The following OR3A2 variants were observed in gnomAD, a reference collection of about 807,000 sequenced individuals.
OR3A2 encodes the protein olfactory receptor family 3 subfamily A member 2.
For synonymous variants in OR3A2, 126 were observed against 159.3 expected (o/e 0.79, Z 1.57); for missense variants, 318 against 392.8 (o/e 0.81, Z 1.61).
chr17:3,342,410 A>T (rs1365734715), intron 2 of OR3A2, among the ~76,000 whole-genome samples: 1 of 151,926 alleles, frequency 6.6e-6, no homozygotes, highest in Non-Finnish European at 1.5e-5. Flanking sequence ...GGTTTTATCT[A>T]CCTCTGGTCT....
At chr17:3,285,533 A>G (rs9889974), upstream of OR3A2, among the ~76,000 whole-genome samples, 27,299 of 152,130 alleles carry the variant, frequency 0.18, 3,031 homozygotes, top group African/African-American at 0.29. Context: ...TCAAACTTGT[A>G]ATCTTAGCAC....
At chr17:3,370,282 T>A (rs230478) in intron 2 of OR3A2, among the ~76,000 whole-genome samples, 60,453 of 152,066 alleles carry the variant, frequency 0.4, 12,423 homozygotes, top group Admixed American at 0.51. Context: ...AATGTCTCCA[T>A]CTCCTCCAGG....
chr17:3,350,538 T>C lies in OR3A2; in HGVS notation c.-178-14412A>G, dbSNP rs2049411538. Among the ~76,000 whole-genome samples, 3 of 151,808 alleles carry C rather than the reference T, an allele frequency of 2.0e-5. No homozygotes were observed. The South Asian group carries it at 6.3e-4, about 32-fold the overall frequency. Reference sequence around the variant, plus strand: ...ACGGGAGCTGAAATTGTGGCAATAATCAATAGCTTACCAACCAAAAAGAGT... The same window carrying C: ...ACGGGAGCTGAAATTGTGGCAATAACCAATAGCTTACCAACCAAAAAGAGT... On this transcript the variant is annotated intron_variant, in intron 2 of 4. Transcript: ENST00000573491.
At chr17:3,291,243 C>A (rs944479830) in intron 3 of OR3A2, 1 of 176,346 alleles carries the variant, frequency 5.7e-6, no homozygotes, top group Non-Finnish European at 1.2e-5. Flanking sequence ...ACCAAGCACA[C>A]CTGAACTTGA....
At chr17:3,344,300 C>G (rs1165787277) in intron 2 of OR3A2, among the ~76,000 whole-genome samples, 2 of 145,764 alleles carry the variant, frequency 1.4e-5, no homozygotes, top group African/African-American at 5.2e-5. Context: ...ATAAAAATAC[C>G]CTGAAGAAGA....
At position 3,322,330 on chromosome 17, in the gene OR3A2, A is replaced by T. The variant is rs1049899543; in HGVS notation, c.-85+13703T>A. On this transcript the variant is annotated intron_variant, in intron 3 of 4. Coordinates refer to the OR3A2 transcript ENST00000573491. ...GATCTTTTCAAAAAACCACTCCTGG[A>T]TTCATTAATTTTTTGAAGGGTTTTT... is the stretch of plus-strand genomic sequence containing the variant. Among the ~76,000 whole-genome samples, 11 of 151,890 alleles carry T rather than the reference A, an allele frequency of 7.2e-5. No homozygotes were observed. The South Asian group carries it at 1.2e-3, about 17-fold the overall frequency.
At chr17:3,330,221 A>G (rs941005275) in intron 3 of OR3A2, among the ~76,000 whole-genome samples, 2 of 151,584 alleles carry the variant, frequency 1.3e-5, no homozygotes, top group Non-Finnish European at 1.5e-5. Context: ...GTAGATGTCT[A>G]TTAGGTTGGC....
intron 3 of OR3A2, among the ~76,000 whole-genome samples, chr17:3,305,146 A>G (rs2048990360): frequency 6.6e-6 from 1 of 152,248 alleles, no homozygotes; most frequent in African/African-American, 2.4e-5. Flanking sequence ...TGCATAAACA[A>G]CAGACATAAA....
intron 2 of OR3A2, among the ~76,000 whole-genome samples, chr17:3,351,955 G>T (rs1457220989): frequency 6.6e-6 from 1 of 152,162 alleles, no homozygotes; most frequent in Non-Finnish European, 1.5e-5. Context: ...CTTAATAAAT[G>T]GTGCTGGGAA....
chr17:3,308,748 G>A (rs545709795), intron 3 of OR3A2, among the ~76,000 whole-genome samples: 1 of 152,106 alleles, frequency 6.6e-6, no homozygotes, highest in East Asian at 1.9e-4. Context: ...ACCTGAGGAC[G>A]GCATTCTCCA....
chr17:3,369,437 A>G (rs2049592455), intron 2 of OR3A2, among the ~76,000 whole-genome samples: 1 of 152,158 alleles, frequency 6.6e-6, no homozygotes, highest in Admixed American at 6.5e-5. Context: ...TGAGGGTTTT[A>G]ATCATAAAAG....
intron 2 of OR3A2, among the ~76,000 whole-genome samples, chr17:3,372,380 T>C (rs1395411131): frequency 7.1e-6 from 1 of 140,928 alleles, no homozygotes; most frequent in Non-Finnish European, 1.5e-5. Flanking sequence ...TCCCAGACGA[T>C]GGGCGGCCAG....
intron 2 of OR3A2, among the ~76,000 whole-genome samples, chr17:3,339,754 C>A (rs2049301521): frequency 6.6e-6 from 1 of 152,082 alleles, no homozygotes. Flanking sequence ...GTGTCTCTAC[C>A]AGGCTTTGGA....
intron 3 of OR3A2, among the ~76,000 whole-genome samples, chr17:3,302,754 C>T (rs943816723): frequency 2.0e-5 from 3 of 152,206 alleles, no homozygotes; most frequent in African/African-American, 7.2e-5. Context: ...CACATTTCAT[C>T]TGCAGATGCT....
At chr17:3,374,713 A>AT (rs1330590358) in intron 2 of OR3A2, among the ~76,000 whole-genome samples, 1 of 151,782 alleles carries the variant, frequency 6.6e-6, no homozygotes, top group Admixed American at 6.6e-5. Flanking sequence ...ATTTATTTTT[A>AT]TTTTTTAGCT....
chr17:3,371,882 C>T (rs1339210043), intron 2 of OR3A2, among the ~76,000 whole-genome samples: 2 of 145,106 alleles, frequency 1.4e-5, no homozygotes, highest in Non-Finnish European at 3.1e-5. Context: ...GGAGCTGACC[C>T]CCCCACCTCC....
intron 1 of OR3A2, among the ~76,000 whole-genome samples, chr17:3,280,062 G>C (rs925147262): frequency 3.9e-5 from 6 of 152,124 alleles, no homozygotes; most frequent in Admixed American, 2.0e-4. Context: ...GTTTTTCTGT[G>C]TGTATTATCT....
At chr17:3,376,865 C>G (rs1159391922) in intron 2 of OR3A2, among the ~76,000 whole-genome samples, 1 of 152,112 alleles carries the variant, frequency 6.6e-6, no homozygotes, top group Non-Finnish European at 1.5e-5. Flanking sequence ...GATGGCTTCC[C>G]TGGGCTTGGA....
chr17:3,360,442 T>C (rs932001478), intron 2 of OR3A2, among the ~76,000 whole-genome samples: 6 of 151,780 alleles, frequency 4.0e-5, no homozygotes, highest in Non-Finnish European at 2.9e-5. Flanking sequence ...GTTGTCAATT[T>C]TGGCTTTTGT....
Sources: allele counts gnomAD v4.1 joint callset (sites outside exome capture counted in the v4.1 genomes callset), GRCh38; gene constraint gnomAD v4.1.1; transcripts MANE v1.5; gene names NCBI Gene and HGNC (gene_info 2026-07-23, HGNC 2026-07-21).